Variants in RAD51D observed in about 807,000 individuals in gnomAD.
RAD51D encodes the protein RAD51 paralog D, also known as DNA repair protein RAD51 homolog 4.
A neutral mutation model predicts 44.1 loss-of-function variants in RAD51D; 38 were observed. That is an observed-to-expected ratio of 0.86 (90% confidence interval 0.67 to 1.13). RAD51D has a LOEUF of 1.13. RAD51D is among the 50% of genes most tolerant of loss of function. The pLI is 0.00. For synonymous variants in RAD51D, 141 were observed against 166.6 expected (o/e 0.85, Z 1.18); for missense variants, 390 against 414.0 (o/e 0.94, Z 0.50).
chr17:35,107,898 G>A (rs1028084390), intron 3 of RAD51D, among the ~76,000 whole-genome samples: 4 of 150,924 alleles, frequency 2.7e-5, no homozygotes, highest in African/African-American at 9.8e-5. Flanking sequence ...GGGACTACAG[G>A]TGCCCGCCAC....
intron 3 of RAD51D, among the ~76,000 whole-genome samples, chr17:35,115,940 A>AAGGAAGGAAGGAAGG (rs1198134777): frequency 9.1e-6 from 1 of 109,382 alleles, no homozygotes; most frequent in African/African-American, 3.3e-5. Flanking sequence ...AGGAAGGAAG[A>AAGGAAGGAAGGAAGG]AAGAAAAGGA....
rs1337198741 is a variant in RAD51D, at chr17:35,100,313, T to C, written c.*640A>G. ...CAGCAAGAGGAAAGGAGGAATAAAC[T>C]GTTCTTTGGGCCTCACTGGGGGAAA... On this transcript the variant is annotated 3_prime_UTR_variant, in exon 10 of 10. Transcript: ENST00000345365. 3.7e-6 allele frequency: 2 copies of C among 534,202 alleles called. No homozygotes were observed. The highest frequency in any genetic ancestry group is 3.6e-6 in the Non-Finnish European group (1 of 276,362). The allele number at this position is 534,202 out of a possible 1,614,324, so 33.1% of individuals were successfully genotyped here.
rs2091503089 is a variant in RAD51D, at chr17:35,098,539, G to T, written c.*2414C>A. ...TCTGCCTCAGCCTCCTGAGTAGCTG[G>T]GATTACAGGAAATGGGCCACCATGC... is the stretch of plus-strand genomic sequence containing the variant. On this transcript the variant is annotated 3_prime_UTR_variant, in exon 10 of 10. Transcript: ENST00000345365. 1 of 152,088 alleles carries T rather than the reference G, an allele frequency of 6.6e-6. No homozygotes were observed. Among genetic ancestry groups the T allele is most frequent in the Non-Finnish European group, 1.5e-5 (1 of 68,088 alleles). The allele number at this position is 152,088 out of a possible 1,614,324, so 9.4% of individuals were successfully genotyped here. A position where few individuals can be genotyped will look rare whatever the true frequency, so the allele number is the denominator to read the frequency against.
In RAD51D at chr17:35,103,521, C is replaced by T. The variant is rs755393515; in HGVS notation, c.600G>A (p.Val200=). The T allele has an allele frequency of 6.2e-7, 1 of 1,614,114 alleles. No homozygotes were observed. The highest frequency in any genetic ancestry group is 1.1e-5 in the South Asian group (1 of 91,088). The change falls in exon 7 of 10, where the codon GTG becomes GTA. Residue 200 remains valine (V), a synonymous_variant. Transcript: ENST00000345365. The surrounding 1 kb of genome is among the most constrained non-coding windows in gnomAD (Gnocchi z 4.1). ...AQQVTGSSGT[V]KVVVVDSVTA... Reference sequence around the variant, plus strand: ...TGACCGAGTCCACAACCACCACCTTCACAGTTCCTGAAGAACCAGTCACCT... The same window carrying T: ...TGACCGAGTCCACAACCACCACCTTTACAGTTCCTGAAGAACCAGTCACCT...
Position 35,098,229 on chromosome 17 carries a change from A to T in RAD51D, c.*2724T>A, listed in dbSNP as rs1029493681. 2.0e-5 allele frequency: 3 copies of T among 152,102 alleles called. No homozygotes were observed. Among genetic ancestry groups the T allele is most frequent in the African/African-American group, 7.2e-5 (3 of 41,400 alleles). 9.4% of individuals were successfully genotyped at this position (152,102 alleles called of 1,614,324 possible). A position where few individuals can be genotyped will look rare whatever the true frequency, so the allele number is the denominator to read the frequency against. On this transcript the variant is annotated 3_prime_UTR_variant, in exon 10 of 10. Transcript: ENST00000345365. ...GAACTGTATGGACTGAAAATTAAAT[A>T]AAATGTGGGGATTTTTTTTTTCTTT...
chr17:35,101,652 G>A (rs368921793), intron 8 of RAD51D, among the ~76,000 whole-genome samples: 58 of 152,224 alleles, frequency 3.8e-4, no homozygotes, highest in African/African-American at 1.3e-3. Context: ...CATGCAGTCC[G>A]CCAGCCTCAG....
chr17:35,094,838 C>T lies in RAD51D; in HGVS notation c.*6115G>A, dbSNP rs1374960807. ...TGTCCTAAGGTCATAATGAGACATG[C>T]ATCAAGGGCCTAAGGATACATAATA... is the stretch of plus-strand genomic sequence containing the variant. On this transcript the variant is annotated 3_prime_UTR_variant, in exon 10 of 10. Transcript: ENST00000345365. The T allele has an allele frequency of 6.6e-6, 1 of 152,164 alleles. No individual in the cohort carries two copies. The highest frequency in any genetic ancestry group is 6.5e-5 in the Admixed American group (1 of 15,274). 9.4% of individuals were successfully genotyped at this position (152,164 alleles called of 1,614,324 possible).
At chr17:35,116,688 G>C (rs1249891269) in intron 3 of RAD51D, among the ~76,000 whole-genome samples, 1 of 152,044 alleles carries the variant, frequency 6.6e-6, no homozygotes, top group African/African-American at 2.4e-5. Context: ...TAGAGACGGG[G>C]TTTTACCGTG....
At position 35,103,785 on chromosome 17, in the gene RAD51D, C is replaced by T. The variant is rs1347327670; in HGVS notation, c.577-241G>A. Reference sequence around the variant, plus strand: ...GGGTTTAAATCACAGGACATCAAAACTACACTAAAGTGGCTGGGCGCAGTG... The same window carrying T: ...GGGTTTAAATCACAGGACATCAAAATTACACTAAAGTGGCTGGGCGCAGTG... On this transcript the variant is annotated intron_variant, in intron 6 of 9. Transcript: ENST00000345365. This position sits in a 1 kb window ranked among gnomAD's most constrained non-coding sequence, Gnocchi z 4.1. 6.6e-6 allele frequency among the ~76,000 whole-genome samples: 1 copy of T among 152,198 alleles called. No homozygotes were observed. The highest frequency in any genetic ancestry group is 2.4e-5 in the African/African-American group (1 of 41,448).
intron 3 of RAD51D, among the ~76,000 whole-genome samples, chr17:35,116,027 T>A (rs2091741760): frequency 9.2e-6 from 1 of 108,880 alleles, no homozygotes. Flanking sequence ...AGAAACCTGG[T>A]GAGTCAGCTT....
At position 35,096,832 on chromosome 17, in the gene RAD51D, G is replaced by C. The variant is rs992331087; in HGVS notation, c.*4121C>G. The C allele has an allele frequency of 1.3e-5, 2 of 152,186 alleles. No homozygotes were observed. Among genetic ancestry groups the C allele is most frequent in the South Asian group, 2.1e-4 (1 of 4,830 alleles). 9.4% of individuals were successfully genotyped at this position (152,186 alleles called of 1,614,324 possible). ...GCCGTGATTGTGCCACTGCACTCCA[G>C]AGCAAGACTCTGTCTTGAAACATAA... is the stretch of plus-strand genomic sequence containing the variant. On this transcript the variant is annotated 3_prime_UTR_variant, in exon 10 of 10. Transcript: ENST00000345365.
rs1060502956 is a variant in RAD51D, at chr17:35,103,258, A to G, written c.734T>C (p.Val245Ala). The change falls in exon 8 of 10, where the codon GTG becomes GCG. Residue 245 changes from valine to alanine, a missense_variant. Transcript: ENST00000345365. The surrounding 1 kb of genome is among the most constrained non-coding windows in gnomAD (Gnocchi z 4.1). Reference protein sequence around the residue: ...KTLARDLGMAVVVTNHITRDR... With the variant: ...KTLARDLGMAAVVTNHITRDR... ...TGGCCAAGCCTGCTTCCTCACCACCACTGCCATGCCAAGGTCCCGGGCCAG... is the reference window on the plus strand; with the variant it reads ...TGGCCAAGCCTGCTTCCTCACCACCGCTGCCATGCCAAGGTCCCGGGCCAG... The G allele has an allele frequency of 1.2e-6, 2 of 1,609,036 alleles. No individual in the cohort carries two copies. The highest frequency in any genetic ancestry group is 1.7e-6 in the Non-Finnish European group (2 of 1,178,134).
intron 6 of RAD51D, 58 bp downstream of exon 6, chr17:35,106,328 A>G: frequency 1.4e-6 from 2 of 1,429,258 alleles, no homozygotes; most frequent in South Asian, 2.3e-5. Flanking sequence ...ACACCTGCCC[A>G]CAGAGATAGC....
At position 35,100,735 on chromosome 17, in the gene RAD51D, A is replaced by G; in HGVS notation, c.*218T>C. ...AAATAAGGGAAGGAAACGTGGCACC[A>G]GTATGAATTTCTGGGTCCTCGCAAT... is the stretch of plus-strand genomic sequence containing the variant. On this transcript the variant is annotated 3_prime_UTR_variant, in exon 10 of 10. Transcript: ENST00000345365. The G allele has an allele frequency of 3.0e-6, 2 of 673,624 alleles. No individual in the cohort carries two copies. Among genetic ancestry groups the G allele is most frequent in the Non-Finnish European group, 5.4e-6 (2 of 368,528 alleles). The allele number at this position is 673,624 out of a possible 1,614,324, so 41.7% of individuals were successfully genotyped here.
In RAD51D at chr17:35,099,066, A is replaced by C. The variant is rs1373581792; in HGVS notation, c.*1887T>G. On this transcript the variant is annotated 3_prime_UTR_variant, in exon 10 of 10. Coordinates refer to ENST00000345365, the MANE Select transcript of RAD51D (RefSeq NM_002878.4). ...TCATCATGTTGCCCAGGCTGATTTT[A>C]AACTGTTAAACTCCTGGGCTCAAGT... The C allele has an allele frequency of 2.0e-5, 3 of 151,840 alleles. No homozygotes were observed. Among genetic ancestry groups the C allele is most frequent in the African/African-American group, 7.3e-5 (3 of 41,364 alleles). 9.4% of individuals were successfully genotyped at this position (151,840 alleles called of 1,614,324 possible).
chr17:35,099,833 C>T lies in RAD51D; in HGVS notation c.*1120G>A, dbSNP rs763998135. ...TTTATTTTCCATTCCCTGGTGTCTT[C>T]GTCCCCTCCCAGCCAGGGTCATGGC... On this transcript the variant is annotated 3_prime_UTR_variant, in exon 10 of 10. Coordinates refer to ENST00000345365, the MANE Select transcript of RAD51D (RefSeq NM_002878.4). The T allele has an allele frequency of 3.0e-5, 15 of 501,954 alleles. 2 individuals are homozygous for T. Among genetic ancestry groups the T allele is most frequent in the South Asian group, 1.1e-4 (7 of 64,788 alleles). 31.1% of individuals were successfully genotyped at this position (501,954 alleles called of 1,614,324 possible). A position where few individuals can be genotyped will look rare whatever the true frequency, so the allele number is the denominator to read the frequency against.
chr17:35,098,170 G>A lies in RAD51D; in HGVS notation c.*2783C>T, dbSNP rs1317662450. 1.3e-5 allele frequency: 2 copies of A among 152,220 alleles called. No individual in the cohort carries two copies. Among genetic ancestry groups the A allele is most frequent in the East Asian group, 3.8e-4 (2 of 5,200 alleles). 9.4% of individuals were successfully genotyped at this position (152,220 alleles called of 1,614,324 possible). Reference sequence around the variant, plus strand: ...AAACTCCTTGGGTGACAGCTGTGGTGCCTTCAGCTGGAGTTACAGCCCTAG... The same window carrying A: ...AAACTCCTTGGGTGACAGCTGTGGTACCTTCAGCTGGAGTTACAGCCCTAG... On this transcript the variant is annotated 3_prime_UTR_variant, in exon 10 of 10. Transcript: ENST00000345365.
intron 3 of RAD51D, chr17:35,113,403 G>A: frequency 4.6e-6 from 1 of 219,136 alleles, no homozygotes; most frequent in South Asian, 4.2e-5. Context: ...CGAGTAGCTG[G>A]GATTATAGGC....
At chr17:35,101,541 G>A (rs867517230) in intron 8 of RAD51D, among the ~76,000 whole-genome samples, 176 bp from the exon 9 acceptor site, 1 of 152,128 alleles carries the variant, frequency 6.6e-6, no homozygotes, top group Non-Finnish European at 1.5e-5. Flanking sequence ...CTTGTGCCCC[G>A]CTCTTTCCAC....
Sources: allele counts gnomAD v4.1 joint callset (sites outside exome capture counted in the v4.1 genomes callset), GRCh38; gene constraint gnomAD v4.1.1; non-coding constraint Gnocchi (gnomAD v3.1); transcripts MANE v1.5; gene names NCBI Gene and HGNC (gene_info 2026-07-23, HGNC 2026-07-21).